Variants in GTF2F2 observed in about 807,000 individuals in gnomAD.
The protein encoded by GTF2F2 is ATP-dependent helicase GTF2F2.
Under a neutral mutation model 42.2 loss-of-function variants are expected in GTF2F2, and 23 were observed. That is an observed-to-expected ratio of 0.55 (90% CI 0.39 to 0.77). GTF2F2 has a LOEUF of 0.77. GTF2F2 is among the 30% of genes least tolerant of loss of function. The pLI is 0.00. For missense variants in GTF2F2, 261 were observed against 287.2 expected (o/e 0.91, Z 0.66); for synonymous variants, 105 against 100.8 (o/e 1.04, Z -0.25).
At chr13:45,181,285 TACCTTA>T (rs1339109975) in intron 4 of GTF2F2, among the ~76,000 whole-genome samples, 3 of 151,944 alleles carry the variant, frequency 2.0e-5, no homozygotes, top group Non-Finnish European at 4.4e-5. Flanking sequence ...TCTTGCTGGC[TACCTTA>T]AAAAAGGAAA....
Position 45,141,456 on chromosome 13 carries a change from AATT to A in GTF2F2, c.140+4655_140+4657del, listed in dbSNP as rs1294225162. 5.9e-5 allele frequency among the ~76,000 whole-genome samples: 9 copies of A among 152,266 alleles called. 1 individual carries two copies. In the South Asian group the frequency reaches 1.9e-3, roughly 32 times the overall value. On this transcript the variant is annotated intron_variant, in intron 2 of 7. Coordinates refer to ENST00000340473, the MANE Select transcript of GTF2F2 (RefSeq NM_004128.3). Reference sequence around the variant, plus strand: ...TCCCAGTTTATGTGTTTCCCTATGCAATTATTAATAGTGCCCCCTTTTCCACTC... The same window carrying A: ...TCCCAGTTTATGTGTTTCCCTATGCAATTAATAGTGCCCCCTTTTCCACTC...
At chr13:45,250,051 C>CTTTTTT (rs780347641) in intron 5 of GTF2F2, among the ~76,000 whole-genome samples, 22 of 100,874 alleles carry the variant, frequency 2.2e-4, no homozygotes, top group Non-Finnish European at 3.8e-4. Context: ...TGCCTTATCT[C>CTTTTTT]TTTTTTTTTT....
intron 7 of GTF2F2, among the ~76,000 whole-genome samples, chr13:45,269,917 CA>C (rs1876719598): frequency 6.6e-6 from 1 of 152,244 alleles, no homozygotes; most frequent in South Asian, 2.1e-4. Flanking sequence ...CTGCAACCTC[CA>C]CCTCCCGAGT....
At chr13:45,177,489 G>A (rs893042276) in intron 4 of GTF2F2, among the ~76,000 whole-genome samples, 2 of 152,182 alleles carry the variant, frequency 1.3e-5, no homozygotes, top group African/African-American at 4.8e-5. Flanking sequence ...TGCCTGGGAT[G>A]TGAATCCTCC....
At chr13:45,276,467 G>A (rs1016233816) in intron 7 of GTF2F2, among the ~76,000 whole-genome samples, 3 of 147,492 alleles carry the variant, frequency 2.0e-5, no homozygotes, top group Non-Finnish European at 3.0e-5. Flanking sequence ...ATGGAGTCTC[G>A]CTCTTACCAC....
At chr13:45,249,032 AT>A (rs1199240671) in intron 5 of GTF2F2, among the ~76,000 whole-genome samples, 4 of 152,142 alleles carry the variant, frequency 2.6e-5, no homozygotes, top group African/African-American at 4.8e-5. Flanking sequence ...AAATTATATT[AT>A]TTTGTACAAA....
At chr13:45,253,097 C>G in intron 6 of GTF2F2, 127 bp downstream of exon 6, 1 of 484,384 alleles carries the variant, frequency 2.1e-6, no homozygotes, top group Non-Finnish European at 3.7e-6. Context: ...ATTACAGTAC[C>G]TGATCTGGAC....
intron 4 of GTF2F2, chr13:45,193,825 G>A (rs1872753803): frequency 6.2e-7 from 1 of 1,608,422 alleles, no homozygotes; most frequent in Non-Finnish European, 8.5e-7. Context: ...GTGAACAATT[G>A]ACCCTTTGGA....
At chr13:45,129,448 G>A (rs1239222239) in intron 1 of GTF2F2, among the ~76,000 whole-genome samples, 2 of 152,074 alleles carry the variant, frequency 1.3e-5, no homozygotes, top group Non-Finnish European at 2.9e-5. Context: ...GTGCTCAAAT[G>A]ATCCACCCAC....
chr13:45,209,607 A>G (rs1403804046), intron 5 of GTF2F2, among the ~76,000 whole-genome samples: 1 of 152,166 alleles, frequency 6.6e-6, no homozygotes, highest in African/African-American at 2.4e-5. Context: ...GGAAGACTTT[A>G]GGGACCTGTG....
intron 6 of GTF2F2, among the ~76,000 whole-genome samples, chr13:45,260,525 A>G (rs1876297098): frequency 6.6e-6 from 1 of 152,238 alleles, no homozygotes; most frequent in Admixed American, 6.5e-5. Context: ...TTCAAAAGTT[A>G]AAAGGCTTTA....
chr13:45,282,320 G>A (rs1877300173), intron 7 of GTF2F2, among the ~76,000 whole-genome samples: 1 of 152,222 alleles, frequency 6.6e-6, no homozygotes, highest in South Asian at 2.1e-4. Flanking sequence ...GCATTGGCAA[G>A]CAAAGGTCTA....
chr13:45,160,735 A>G (rs1352536201), intron 4 of GTF2F2, among the ~76,000 whole-genome samples: 2 of 151,222 alleles, frequency 1.3e-5, no homozygotes, highest in Non-Finnish European at 2.9e-5. Context: ...AAAAAGTTGA[A>G]TTTTATTAAT....
chr13:45,184,145 T>G (rs1872298650), intron 4 of GTF2F2, among the ~76,000 whole-genome samples: 1 of 152,056 alleles, frequency 6.6e-6, no homozygotes, highest in Admixed American at 6.5e-5. Context: ...GGCCTCTTAT[T>G]CTTTTGGCTC....
rs758244631 is a variant in GTF2F2, at chr13:45,120,602, T to C, written c.-54T>C. The stretch of plus-strand genomic sequence containing the variant: ...GTTCCGGACGCCCGCTCCTCAGCCC[T>C]GCGGCTCCTGGGGTCGCTGCTGCAT... On this transcript the variant is annotated 5_prime_UTR_variant, in exon 1 of 8. Transcript: ENST00000340473. The C allele has an allele frequency of 8.1e-5, 112 of 1,377,472 alleles. No individual in the cohort carries two copies. The highest frequency in any genetic ancestry group is 6.7e-4 in the South Asian group (54 of 80,484). The allele number at this position is 1,377,472 out of a possible 1,614,324, so 85.3% of individuals were successfully genotyped here.
At chr13:45,141,250 A>G (rs555541518) in intron 2 of GTF2F2, among the ~76,000 whole-genome samples, 146 of 152,366 alleles carry the variant, frequency 9.6e-4, no homozygotes, top group African/African-American at 3.3e-3. Flanking sequence ...TTTGATCACT[A>G]AAGTAAAATA....
chr13:45,135,680 G>C (rs965674590), intron 1 of GTF2F2, among the ~76,000 whole-genome samples: 1 of 152,128 alleles, frequency 6.6e-6, no homozygotes, highest in African/African-American at 2.4e-5. Flanking sequence ...TATTTGACTA[G>C]TGGTCAAGTC....
chr13:45,216,593 C>T (rs1339325942), intron 5 of GTF2F2, among the ~76,000 whole-genome samples: 9 of 152,052 alleles, frequency 5.9e-5, no homozygotes, highest in African/African-American at 1.4e-4. Context: ...CTCAGCCCAC[C>T]GCAACCTCTG....
intron 4 of GTF2F2, among the ~76,000 whole-genome samples, chr13:45,191,255 A>ATATATATATATATATATATATATAGC: frequency 7.3e-6 from 1 of 136,528 alleles, no homozygotes; most frequent in Admixed American, 7.2e-5. Context: ...ATATATATAT[A>ATATATATATATATATATATATATAGC]GCCATAATCT....
Sources: allele counts gnomAD v4.1 joint callset (sites outside exome capture counted in the v4.1 genomes callset), GRCh38; gene constraint gnomAD v4.1.1; transcripts MANE v1.5; gene names NCBI Gene and HGNC (gene_info 2026-07-23, HGNC 2026-07-21).